POTEE: variants seen among roughly 807,000 people sequenced by gnomAD.
The protein encoded by POTEE is ANKRD26-like family C member 1A.
POTEE carries 21 observed loss-of-function variants against 74.2 expected under a neutral mutation model. That is an observed-to-expected ratio of 0.28 (90% CI 0.20 to 0.41). The LOEUF (loss-of-function observed/expected upper bound fraction) is 0.41, where lower values mean the gene tolerates loss of function less well. POTEE is among the 10% of genes least tolerant of loss of function. The pLI, the probability that POTEE is intolerant of heterozygous loss-of-function variation, is 1.00. For missense variants in POTEE, 525 were observed against 1,158.6 expected, an observed-to-expected ratio of 0.45 and a Z score of 7.94; for synonymous variants, 211 against 432.8, an observed-to-expected ratio of 0.49 and a Z score of 6.36.
At chr2:131,213,126 A>G (rs1318765451) in intron 2 of POTEE, among the ~76,000 whole-genome samples, 1 of 151,912 alleles carries the variant, frequency 6.6e-6, no homozygotes, top group African/African-American at 2.4e-5. Context: ...ACGCCCGGCT[A>G]ATTTTTGTAT....
chr2:131,233,431 G>C (rs1701025720), intron 9 of POTEE, among the ~76,000 whole-genome samples: 1 of 152,048 alleles, frequency 6.6e-6, no homozygotes, highest in Non-Finnish European at 1.5e-5. Flanking sequence ...ATTGATGGAA[G>C]GTTCTTTACC....
intron 4 of POTEE, among the ~76,000 whole-genome samples, chr2:131,219,340 A>G (rs1357852829): frequency 6.6e-5 from 10 of 151,604 alleles, no homozygotes; most frequent in Non-Finnish European, 1.3e-4. Context: ...TGGATTTTAT[A>G]TCAATGTACA....
intron 4 of POTEE, among the ~76,000 whole-genome samples, chr2:131,222,269 GGT>G (rs1178368987): frequency 1.3e-5 from 2 of 152,192 alleles, no homozygotes; most frequent in African/African-American, 4.8e-5. Context: ...GGACATGGAT[GGT>G]GTTGAAAGCC....
chr2:131,222,984 A>G (rs1261825554), intron 4 of POTEE, among the ~76,000 whole-genome samples: 1 of 150,334 alleles, frequency 6.7e-6, no homozygotes, highest in East Asian at 1.9e-4. Flanking sequence ...TAAATGCCGC[A>G]AATTATAGTA....
At chr2:131,233,159 T>G (rs1345538710) in intron 9 of POTEE, among the ~76,000 whole-genome samples, 2 of 152,084 alleles carry the variant, frequency 1.3e-5, no homozygotes, top group Non-Finnish European at 2.9e-5. Flanking sequence ...AGGGGAGTCA[T>G]AAGATTAAAT....
rs768333500 is a variant in POTEE, at chr2:131,230,859, A to G, written c.1079A>G (p.Tyr360Cys). The change falls in exon 9 of 18, where the codon TAC (tyrosine) becomes TGC (cysteine). Residue 360 changes from tyrosine to cysteine, a missense_variant. Transcript: ENST00000683005. ...HHVICQLLSDYKEKQMLKISS... is the reference protein window; with the variant it reads ...HHVICQLLSDCKEKQMLKISS... ...AGAATTTGCCAGTTACTTTCTGACT[A>G]CAAAGAAAAACAGATGCTAAAAATC... 1.4e-6 allele frequency: 2 copies of G among 1,391,330 alleles called. No individual in the cohort carries two copies. Among genetic ancestry groups the G allele is most frequent in the South Asian group, 1.3e-5 (1 of 78,220 alleles). The allele number at this position is 1,391,330 out of a possible 1,614,324, so 86.2% of individuals were successfully genotyped here.
rs1323078700 is a variant in POTEE at position 131,228,173 on chromosome 2, T to A, written c.918-71T>A. On this transcript the variant is annotated intron_variant, in intron 7 of 17. Coordinates refer to ENST00000683005, the MANE Select transcript of POTEE (RefSeq NM_001083538.3). Reference sequence around the variant, plus strand: ...TGATTCTGCACAGACAGGCAAGATGTTACATTGGTAAAGTATATCAAATTA... The same window carrying A: ...TGATTCTGCACAGACAGGCAAGATGATACATTGGTAAAGTATATCAAATTA... 5 of 1,504,690 alleles carry A rather than the reference T, an allele frequency of 3.3e-6. No homozygotes were observed. The African/African-American group carries it at 7.0e-5, about 21-fold the overall frequency. 93.2% of individuals were successfully genotyped at this position (1,504,690 alleles called of 1,614,324 possible). A position where few individuals can be genotyped will look rare whatever the true frequency, so the allele number is the denominator to read the frequency against.
chr2:131,248,168 T>C (rs1000558067), intron 13 of POTEE, among the ~76,000 whole-genome samples: 4 of 78,686 alleles, frequency 5.1e-5, no homozygotes, highest in East Asian at 3.5e-4. Context: ...ATGTTGGCCT[T>C]CGTTATGCCC....
chr2:131,245,937 T>C (rs562958150), intron 13 of POTEE, among the ~76,000 whole-genome samples: 1 of 95,600 alleles, frequency 1.0e-5, no homozygotes, highest in African/African-American at 3.5e-5. Context: ...CAGATGAAGC[T>C]TCCCTGGCTT....
intron 1 of POTEE, among the ~76,000 whole-genome samples, chr2:131,210,755 A>T (rs200082986): frequency 0.27 from 38,646 of 144,014 alleles, 8,164 homozygotes; most frequent in African/African-American, 0.63. Flanking sequence ...TTGAGTGGGG[A>T]GGGCTGGCTG....
chr2:131,210,387 T>G, intron 1 of POTEE, among the ~76,000 whole-genome samples: 1 of 143,162 alleles, frequency 7.0e-6, no homozygotes, highest in Non-Finnish European at 1.5e-5. Context: ...GTGTGTTGGG[T>G]GTGCTGTCCG....
At chr2:131,224,737 ACC>A in intron 6 of POTEE, among the ~76,000 whole-genome samples, 1 of 150,932 alleles carries the variant, frequency 6.6e-6, no homozygotes, top group South Asian at 2.1e-4. Context: ...GTTGTAAACT[ACC>A]TAGAGATCAA....
intron 13 of POTEE, among the ~76,000 whole-genome samples, chr2:131,245,725 C>G (rs1205243712): frequency 1.5e-4 from 7 of 45,972 alleles, no homozygotes; most frequent in Non-Finnish European, 3.6e-4. Context: ...TTTTCTGCAA[C>G]TAGATGGTCC....
At chr2:131,239,884 G>A (rs1701231554) in intron 12 of POTEE, among the ~76,000 whole-genome samples, 3 of 152,316 alleles carry the variant, frequency 2.0e-5, no homozygotes, top group Middle Eastern at 6.8e-3. Flanking sequence ...TTGTGTCCAT[G>A]AGTTCTCATT....
In POTEE at chr2:131,213,217, G is replaced by A. The variant is rs1258269096; in HGVS notation, c.-189+2034G>A. ...CTCAGGTGATCCACCCACCTCGGTCGGCTGTGTGTATTTTAAGGCAAAGAT... is the reference window on the plus strand; with the variant it reads ...CTCAGGTGATCCACCCACCTCGGTCAGCTGTGTGTATTTTAAGGCAAAGAT... On this transcript the variant is annotated intron_variant, in intron 2 of 17. Transcript: ENST00000683005. 1.1e-4 allele frequency among the ~76,000 whole-genome samples: 17 copies of A among 152,174 alleles called. No homozygotes were observed. In the South Asian group the frequency reaches 1.2e-3, roughly 11 times the overall value.
At chr2:131,239,781 T>G (rs1437466303) in intron 12 of POTEE, among the ~76,000 whole-genome samples, 25 of 151,190 alleles carry the variant, frequency 1.7e-4, no homozygotes, top group Non-Finnish European at 2.4e-4. Context: ...ATCAGCCACA[T>G]AATAAGCAAA....
chr2:131,220,734 G>A (rs1327462082), intron 4 of POTEE, among the ~76,000 whole-genome samples: 3 of 151,992 alleles, frequency 2.0e-5, no homozygotes, highest in Non-Finnish European at 2.9e-5. Context: ...GGCTGAGGCA[G>A]GTGGATCATG....
intron 4 of POTEE, among the ~76,000 whole-genome samples, chr2:131,221,611 T>C (rs76149650): frequency 6.6e-6 from 1 of 152,236 alleles, no homozygotes. Context: ...TTTCTATCTG[T>C]GGTTGGCTAT....
intron 16 of POTEE, among the ~76,000 whole-genome samples, chr2:131,254,694 G>C (rs1701537103): frequency 6.9e-6 from 1 of 145,174 alleles, no homozygotes; most frequent in South Asian, 2.3e-4. Context: ...TTTGAGAAAA[G>C]GATATATTTC....
Sources: gnomAD v4.1 joint callset for allele counts (sites outside exome capture counted in the v4.1 genomes callset) on GRCh38, gnomAD v4.1.1 for gene constraint, MANE v1.5 for transcripts, NCBI Gene and HGNC (gene_info 2026-07-23, HGNC 2026-07-21) for gene names.